Variants in CDKN2B-AS1 observed in about 807,000 individuals in gnomAD.
The protein encoded by CDKN2B-AS1 is CDKN2B and CDKN2A antisense cis and trans regulatory RNA 1.
At chr9:22,033,490 C>G (rs1375958226) in intron 1 of CDKN2B-AS1, among the ~76,000 whole-genome samples, 1 of 152,106 alleles carries the variant, frequency 6.6e-6, no homozygotes, top group Non-Finnish European at 1.5e-5. Flanking sequence ...ACTGGCAAGT[C>G]AGATGGCAGA....
chr9:22,026,193 G>A (rs1327041365), intron 1 of CDKN2B-AS1, among the ~76,000 whole-genome samples: 1 of 152,066 alleles, frequency 6.6e-6, no homozygotes, highest in Non-Finnish European at 1.5e-5. Flanking sequence ...CCTGAAGGCT[G>A]GAATGGGTAA....
intron 1 of CDKN2B-AS1, among the ~76,000 whole-genome samples, chr9:22,021,730 C>T (rs1261421804): frequency 2.6e-5 from 4 of 151,996 alleles, no homozygotes; most frequent in African/African-American, 9.7e-5. Flanking sequence ...GATCATGTCA[C>T]CTGCAAAGAA....
At chr9:22,078,998 C>G (rs776208117) in intron 4 of CDKN2B-AS1, among the ~76,000 whole-genome samples, 3 of 152,268 alleles carry the variant, frequency 2.0e-5, no homozygotes, top group South Asian at 2.1e-4. Flanking sequence ...ATTATGGAAG[C>G]CTTATCAGAG....
chr9:22,092,932 A>G (rs1389646997), intron 4 of CDKN2B-AS1, among the ~76,000 whole-genome samples: 3 of 151,992 alleles, frequency 2.0e-5, no homozygotes, highest in South Asian at 4.1e-4. Context: ...TCAATTTTAG[A>G]TCTTTGCTCC....
intron 4 of CDKN2B-AS1, chr9:22,058,447 T>C (rs1823667666): frequency 6.6e-6 from 1 of 152,232 alleles, no homozygotes; most frequent in African/African-American, 2.4e-5. Context: ...AATGGAATTA[T>C]TAGAAACATT....
intron 4 of CDKN2B-AS1, among the ~76,000 whole-genome samples, chr9:22,106,597 TTAAA>T (rs1184510775): frequency 1.3e-5 from 2 of 152,138 alleles, no homozygotes; most frequent in Non-Finnish European, 2.9e-5. Flanking sequence ...TTGTTAAAGA[TTAAA>T]TAATATATGT....
chr9:22,035,419 T>C (rs1359385963), intron 1 of CDKN2B-AS1, among the ~76,000 whole-genome samples: 1 of 152,158 alleles, frequency 6.6e-6, no homozygotes, highest in Non-Finnish European at 1.5e-5. Context: ...TGTGTTTGTT[T>C]ATTTTCCTTG....
At chr9:22,036,043 T>C (rs535205959) in intron 1 of CDKN2B-AS1, among the ~76,000 whole-genome samples, 1 of 152,212 alleles carries the variant, frequency 6.6e-6, no homozygotes, top group East Asian at 1.9e-4. Flanking sequence ...CCTCCTCTAT[T>C]TTCTTGAGCC....
At position 22,005,253 on chromosome 9, in the gene CDKN2B-AS1, G is replaced by A. The variant is rs1451082816; in HGVS notation, n.29+10092G>A. The A allele has an allele frequency of 3.8e-5, 9 of 234,912 alleles. No individual in the cohort carries two copies. The highest frequency in any genetic ancestry group is 1.2e-3 in the Middle Eastern group (1 of 810). The allele number at this position is 234,912 out of a possible 1,614,324, so 14.6% of individuals were successfully genotyped here. On this transcript the variant is annotated intron_variant and non_coding_transcript_variant, in intron 1 of 4. Coordinates refer to ENST00000650946, the Ensembl canonical transcript of CDKN2B-AS1. This position sits in a 1 kb window ranked among gnomAD's most constrained non-coding sequence, Gnocchi z 4.9. ...GGAATCTCTCCTCAGTGTAGTAAGAGCAAAGGCCAGCATCCTGTGCAAAGG... is the reference window on the plus strand; with the variant it reads ...GGAATCTCTCCTCAGTGTAGTAAGAACAAAGGCCAGCATCCTGTGCAAAGG...
chr9:22,069,439 G>A (rs1824197796), intron 4 of CDKN2B-AS1, among the ~76,000 whole-genome samples: 1 of 152,060 alleles, frequency 6.6e-6, no homozygotes, highest in Non-Finnish European at 1.5e-5. Flanking sequence ...TTATTCCCGT[G>A]AAAAAACTCC....
intron 1 of CDKN2B-AS1, chr9:22,029,890 T>G (rs1394800295): frequency 1.2e-5 from 2 of 166,710 alleles, no homozygotes; most frequent in African/African-American, 4.8e-5. Flanking sequence ...GTATAGAAAG[T>G]AATATTTTCT....
At chr9:22,004,484 T>TG (rs1181162182) in intron 1 of CDKN2B-AS1, 1 of 232,554 alleles carries the variant, frequency 4.3e-6, no homozygotes, top group Non-Finnish European at 8.5e-6. Flanking sequence ...AGGGAACCCC[T>TG]GTGAACCTTT....
intron 1 of CDKN2B-AS1, among the ~76,000 whole-genome samples, chr9:22,013,575 C>T (rs1453134056): frequency 6.6e-6 from 1 of 152,112 alleles, no homozygotes; most frequent in Non-Finnish European, 1.5e-5. Flanking sequence ...CCTCATCCTC[C>T]AGAGTAGATG....
intron 4 of CDKN2B-AS1, among the ~76,000 whole-genome samples, chr9:22,073,904 C>T (rs1054409300): frequency 1.3e-5 from 2 of 150,842 alleles, no homozygotes; most frequent in African/African-American, 4.9e-5. Context: ...TGCTCTGTCT[C>T]CCAGGCTGGA....
intron 4 of CDKN2B-AS1, chr9:22,058,865 ACTT>A (rs1823685496): frequency 4.6e-6 from 1 of 216,080 alleles, no homozygotes; most frequent in South Asian, 8.1e-5. Context: ...GGCGAAAGGC[ACTT>A]CTTACATGGT....
chr9:22,036,238 G>A (rs1184121075), intron 1 of CDKN2B-AS1, among the ~76,000 whole-genome samples: 1 of 152,010 alleles, frequency 6.6e-6, no homozygotes, highest in South Asian at 2.1e-4. Flanking sequence ...ATTGAATGCT[G>A]TAAACATGAA....
chr9:22,107,299 A>G (rs538821974), intron 4 of CDKN2B-AS1, among the ~76,000 whole-genome samples: 2 of 152,216 alleles, frequency 1.3e-5, no homozygotes, highest in African/African-American at 2.4e-5. Flanking sequence ...CCGTTAGTCA[A>G]CTCTGAGTGC....
chr9:22,032,241 G>T (rs1822508989), intron 1 of CDKN2B-AS1, among the ~76,000 whole-genome samples: 1 of 152,132 alleles, frequency 6.6e-6, no homozygotes, highest in South Asian at 2.1e-4. Context: ...GAATCATGTG[G>T]TTGTGAGCCC....
chr9:22,116,269 A>T (rs899154975), intron 4 of CDKN2B-AS1, among the ~76,000 whole-genome samples: 1 of 152,236 alleles, frequency 6.6e-6, no homozygotes, highest in Admixed American at 6.5e-5. Context: ...AAACGGATAT[A>T]AGTTTGAGTA....
Sources: allele counts gnomAD v4.1 joint callset (sites outside exome capture counted in the v4.1 genomes callset), GRCh38; gene constraint gnomAD v4.1.1; non-coding constraint Gnocchi (gnomAD v3.1); transcripts MANE v1.5; gene names NCBI Gene and HGNC (gene_info 2026-07-23, HGNC 2026-07-21).